Variants in TENM3 observed in about 807,000 individuals in gnomAD.
TENM3 encodes teneurin-3.
In TENM3, 63 loss-of-function variants were observed where a neutral mutation model predicts 255.1. That is an observed-to-expected ratio of 0.25 (90% CI 0.20 to 0.30). The LOEUF is 0.30. TENM3 is among the 10% of genes least tolerant of loss of function. The pLI is 1.00. For missense variants in TENM3, 2,929 were observed against 3,461.1 expected, an observed-to-expected ratio of 0.85 and a Z score of 3.86; for synonymous variants, 1,306 against 1,322.3, an observed-to-expected ratio of 0.99 and a Z score of 0.27.
chr4:182,587,286 G>A (rs1366788955), intron 3 of TENM3, among the ~76,000 whole-genome samples: 3 of 151,958 alleles, frequency 2.0e-5, no homozygotes, highest in African/African-American at 7.3e-5. Flanking sequence ...TTTTGTAGAT[G>A]GCCAGGTGCA....
chr4:181,776,059 C>G, the TENM3 span, among the ~76,000 whole-genome samples: 2 of 152,026 alleles, frequency 1.3e-5, no homozygotes, highest in Non-Finnish European at 1.5e-5. Context: ...ATTAACCAAC[C>G]TCTCTTATCC....
chr4:181,732,891 G>A, the TENM3 span, among the ~76,000 whole-genome samples: 4 of 152,180 alleles, frequency 2.6e-5, no homozygotes, highest in East Asian at 1.9e-4. Flanking sequence ...TTGTATAGAC[G>A]TTAATTTATT....
chr4:182,795,159 T>C (rs1289295398), intron 26 of TENM3, among the ~76,000 whole-genome samples: 5 of 152,150 alleles, frequency 3.3e-5, no homozygotes, highest in African/African-American at 7.2e-5. Context: ...TCATATCTCT[T>C]CCATGTGAAC....
chr4:181,519,331 C>T, the TENM3 span, among the ~76,000 whole-genome samples: 1 of 152,160 alleles, frequency 6.6e-6, no homozygotes, highest in Admixed American at 6.5e-5. Flanking sequence ...ATAAAGATTT[C>T]CAAATGTATA....
chr4:182,320,139 A>G (rs1762962665), intron 1 of TENM3, among the ~76,000 whole-genome samples: 1 of 152,110 alleles, frequency 6.6e-6, no homozygotes, highest in African/African-American at 2.4e-5. Context: ...AAGAGAATGG[A>G]AAGACGGATG....
intron 3 of TENM3, among the ~76,000 whole-genome samples, chr4:182,505,803 A>G (rs1048489148): frequency 6.6e-6 from 1 of 152,086 alleles, no homozygotes; most frequent in Non-Finnish European, 1.5e-5. Context: ...TCCTCATGAC[A>G]TTGTCACCAC....
chr4:182,707,481 C>T (rs950466253), intron 12 of TENM3, among the ~76,000 whole-genome samples: 1 of 151,846 alleles, frequency 6.6e-6, no homozygotes, highest in African/African-American at 2.4e-5. Context: ...CCTATCTTTC[C>T]CAAAATACAA....
intron 12 of TENM3, among the ~76,000 whole-genome samples, 168 bp downstream of exon 12, chr4:182,688,519 A>G (rs1319091260): frequency 6.6e-6 from 1 of 152,214 alleles, no homozygotes; most frequent in African/African-American, 2.4e-5. Flanking sequence ...ATGGCAATTC[A>G]GTTCTTTTTA....
At chr4:181,479,415 G>C in the TENM3 span, among the ~76,000 whole-genome samples, 7 of 152,166 alleles carry the variant, frequency 4.6e-5, no homozygotes, top group Admixed American at 4.6e-4. Flanking sequence ...ATTTTGGAGA[G>C]AAACCCTGTG....
At position 182,249,043 on chromosome 4, in the gene TENM3, C is replaced by T. The variant is rs114595813; in HGVS notation, c.-76+5567C>T. Reference sequence around the variant, plus strand: ...TTTAACTTGTGAATTTTCAGAACAACCCTGTGAGGTGTATAGTTTTATTCC... The same window carrying T: ...TTTAACTTGTGAATTTTCAGAACAATCCTGTGAGGTGTATAGTTTTATTCC... On this transcript the variant is annotated intron_variant, in intron 1 of 27. Coordinates refer to ENST00000511685, the MANE Select transcript of TENM3 (RefSeq NM_001080477.4). Among the ~76,000 whole-genome samples the T allele has an allele frequency of 3.6e-3, 548 of 152,272 alleles. 3 individuals carry two copies. Among genetic ancestry groups the T allele is most frequent in the African/African-American group, 0.012 (519 of 41,546 alleles).
Position 182,792,447 on chromosome 4 carries a change from C to G in TENM3, c.5775C>G (p.Ile1925Met). 2 of 1,614,070 alleles carry G rather than the reference C, an allele frequency of 1.2e-6. No individual in the cohort carries two copies. The highest frequency in any genetic ancestry group is 1.1e-5 in the South Asian group (1 of 91,082). ...CCCCGGAAAGCAACGCCTCCATCAT[C>G]ACGGACTACAACGAGGAAGGGCTGC... ...YNPPESNASI[I>M]TDYNEEGLLL... The change falls in exon 26 of 28, where the codon ATC becomes ATG. Residue 1925 changes from isoleucine to methionine, a missense_variant. Physicochemically the swap from Ile to Met is conservative, Grantham distance 10. Coordinates refer to ENST00000511685, the MANE Select transcript of TENM3 (RefSeq NM_001080477.4). This position sits in a 1 kb window ranked among gnomAD's most constrained non-coding sequence, Gnocchi z 6.3.
the TENM3 span, among the ~76,000 whole-genome samples, chr4:181,796,286 G>A: frequency 1.3e-5 from 2 of 152,088 alleles, no homozygotes; most frequent in Non-Finnish European, 2.9e-5. Flanking sequence ...CAGCAAATCC[G>A]ACAAGTGCCC....
intron 3 of TENM3, among the ~76,000 whole-genome samples, chr4:182,496,643 A>G (rs867631971): frequency 6.6e-6 from 1 of 152,170 alleles, no homozygotes; most frequent in Non-Finnish European, 1.5e-5. Flanking sequence ...TTCTTTGTCA[A>G]TTGTAGCTTC....
At chr4:182,183,444 A>AT (rs1752957166) in intron 1 of TENM3, among the ~76,000 whole-genome samples, 1 of 152,160 alleles carries the variant, frequency 6.6e-6, no homozygotes, top group Non-Finnish European at 1.5e-5. Context: ...AGGGACCTTG[A>AT]TTATGATTCA....
the TENM3 span, among the ~76,000 whole-genome samples, chr4:181,836,415 T>C: frequency 6.6e-6 from 1 of 152,204 alleles, no homozygotes; most frequent in Non-Finnish European, 1.5e-5. Context: ...AATAATATAT[T>C]TTTTAAATAA....
At chr4:181,633,171 T>G in the TENM3 span, among the ~76,000 whole-genome samples, 186 of 152,348 alleles carry the variant, frequency 1.2e-3, 1 homozygote, top group African/African-American at 4.2e-3. Context: ...GTTATTGCTC[T>G]GTGAATTCCC....
chr4:182,262,820 T>G (rs1257005005), intron 1 of TENM3, among the ~76,000 whole-genome samples: 1 of 150,874 alleles, frequency 6.6e-6, no homozygotes, highest in Non-Finnish European at 1.5e-5. Flanking sequence ...TTCACGCCAT[T>G]CTCCTGCTTC....
the TENM3 span, among the ~76,000 whole-genome samples, chr4:181,892,697 T>C: frequency 2.0e-5 from 3 of 152,086 alleles, no homozygotes; most frequent in Admixed American, 6.6e-5. Flanking sequence ...ATCCTACACA[T>C]CGTTAATACT....
chr4:182,120,260 G>A, the TENM3 span, among the ~76,000 whole-genome samples: 7 of 152,252 alleles, frequency 4.6e-5, no homozygotes, highest in South Asian at 1.5e-3. Context: ...ACAGTCACAT[G>A]CTGTACAGGT....
Sources: allele counts gnomAD v4.1 joint callset (sites outside exome capture counted in the v4.1 genomes callset), GRCh38; gene constraint gnomAD v4.1.1; non-coding constraint Gnocchi (gnomAD v3.1); transcripts MANE v1.5; gene names NCBI Gene and HGNC (gene_info 2026-07-23, HGNC 2026-07-21).